Variants in WWC2 observed in about 807,000 individuals in gnomAD.
WWC2 encodes the protein protein WWC2.
Under a neutral mutation model 138.5 loss-of-function variants are expected in WWC2, and 101 were observed. The observed-to-expected ratio is 0.73, with a 90% confidence interval of 0.62 to 0.86. The LOEUF is 0.86. Among genes scored for constraint, WWC2 ranks in the 40% least tolerant of loss-of-function variants. The pLI is 0.00. For synonymous variants in WWC2, 558 were observed against 538.4 expected (o/e 1.04, Z -0.50); for missense variants, 1,420 against 1,419.4 (o/e 1.00, Z -0.01).
In WWC2 at chr4:183,320,012, G is replaced by T; in HGVS notation, c.*4283G>T. The T allele has an allele frequency of 6.2e-7, 1 of 1,613,900 alleles. No homozygotes were observed. Among genetic ancestry groups the T allele is most frequent in the Non-Finnish European group, 8.5e-7 (1 of 1,179,844 alleles). On this transcript the variant is annotated 3_prime_UTR_variant, in exon 23 of 23. Coordinates refer to ENST00000403733, the MANE Select transcript of WWC2 (RefSeq NM_024949.6). ...TGAGTTCAGCAGGCAAAGCCAGGAA[G>T]GAGTCAAAGTCCTTGCATTGCATCC...
At chr4:183,150,803 A>G (rs1420246511) in intron 1 of WWC2, among the ~76,000 whole-genome samples, 1 of 151,636 alleles carries the variant, frequency 6.6e-6, no homozygotes, top group African/African-American at 2.4e-5. Context: ...CCTTGCGAAA[A>G]CCAAACTAGT....
chr4:183,310,038 A>ATT (rs1739157126), intron 21 of WWC2, among the ~76,000 whole-genome samples: 3 of 152,170 alleles, frequency 2.0e-5, no homozygotes, highest in Non-Finnish European at 2.9e-5. Flanking sequence ...CAGTGAAGAG[A>ATT]TCAGTGGTTA....
intron 1 of WWC2, among the ~76,000 whole-genome samples, chr4:183,156,513 G>C (rs540674730): frequency 6.6e-6 from 1 of 152,054 alleles, no homozygotes; most frequent in Admixed American, 6.5e-5. Context: ...TGTATTTTTA[G>C]TAGAAACGGG....
intron 2 of WWC2, among the ~76,000 whole-genome samples, chr4:183,198,512 C>T (rs1488044831): frequency 4.0e-5 from 6 of 151,878 alleles, no homozygotes; most frequent in South Asian, 2.1e-4. Context: ...TATTTTACAT[C>T]GCAAATGGGA....
chr4:183,220,988 G>T (rs947942808), intron 4 of WWC2, among the ~76,000 whole-genome samples: 1 of 152,014 alleles, frequency 6.6e-6, no homozygotes, highest in Non-Finnish European at 1.5e-5. Flanking sequence ...TTAATAAATG[G>T]CCTAAATGCT....
In WWC2 at chr4:183,245,406, C is replaced by T; in HGVS notation, c.603-10C>T. ...TTTGATATTTTTTCTTTCTTTTTCTCTTTTCACAGAATTGATAAAAAAATG... is the reference window on the plus strand; with the variant it reads ...TTTGATATTTTTTCTTTCTTTTTCTTTTTTCACAGAATTGATAAAAAAATG... On this transcript the variant is annotated splice_polypyrimidine_tract_variant and intron_variant, in intron 5 of 22. Coordinates refer to ENST00000403733, the MANE Select transcript of WWC2 (RefSeq NM_024949.6). 2.6e-6 allele frequency: 4 copies of T among 1,523,706 alleles called. No individual in the cohort carries two copies. Among genetic ancestry groups the T allele is most frequent in the Non-Finnish European group, 3.5e-6 (4 of 1,143,250 alleles). The allele number at this position is 1,523,706 out of a possible 1,614,324, so 94.4% of individuals were successfully genotyped here.
intron 4 of WWC2, among the ~76,000 whole-genome samples, chr4:183,235,428 A>C (rs1320009683): frequency 1.3e-5 from 2 of 152,234 alleles, no homozygotes. Flanking sequence ...TATAAAAACA[A>C]TGTTGCACAG....
Position 183,149,576 on chromosome 4 carries a change from C to T in WWC2, c.132-44023C>T, listed in dbSNP as rs540746586. On this transcript the variant is annotated intron_variant, in intron 1 of 22. Coordinates refer to ENST00000403733, the MANE Select transcript of WWC2 (RefSeq NM_024949.6). ...GGCGGAGGTTGCGGTGAGCCAAGAT[C>T]GCGCCATTGCACTCCAGCCTGGGCA... 4.0e-5 allele frequency among the ~76,000 whole-genome samples: 6 copies of T among 150,498 alleles called. No homozygotes were observed. In the East Asian group the frequency reaches 7.9e-4, roughly 20 times the overall value.
chr4:183,302,446 A>G (rs1174805041), intron 21 of WWC2, among the ~76,000 whole-genome samples: 1 of 152,176 alleles, frequency 6.6e-6, no homozygotes, highest in Non-Finnish European at 1.5e-5. Flanking sequence ...TTGTGGGACT[A>G]TCCATCAGCT....
chr4:183,129,479 C>G (rs1012120939), intron 1 of WWC2, among the ~76,000 whole-genome samples: 6 of 152,158 alleles, frequency 3.9e-5, no homozygotes, highest in Non-Finnish European at 7.4e-5. Flanking sequence ...GATCAGACCT[C>G]ATTTATGGGA....
intron 1 of WWC2, among the ~76,000 whole-genome samples, chr4:183,113,271 T>G (rs778892008): frequency 1.3e-5 from 2 of 151,746 alleles, no homozygotes; most frequent in Non-Finnish European, 2.9e-5. Context: ...CAGATTGATG[T>G]AGAAACAGAG....
chr4:183,186,395 T>G (rs1225911268), intron 1 of WWC2, among the ~76,000 whole-genome samples: 1 of 152,076 alleles, frequency 6.6e-6, no homozygotes, highest in Non-Finnish European at 1.5e-5. Flanking sequence ...TAGGATTAAG[T>G]GTTAGATGGC....
rs1739465361 is a variant in WWC2 at position 183,317,069 on chromosome 4, C to T, written c.*1340C>T. The T allele has an allele frequency of 1.3e-5, 2 of 151,768 alleles. No individual in the cohort carries two copies. The highest frequency in any genetic ancestry group is 6.6e-5 in the Admixed American group (1 of 15,246). The allele number at this position is 151,768 out of a possible 1,614,324, so 9.4% of individuals were successfully genotyped here. A position where few individuals can be genotyped will look rare whatever the true frequency, so the allele number is the denominator to read the frequency against. On this transcript the variant is annotated 3_prime_UTR_variant, in exon 23 of 23. Transcript: ENST00000403733. Reference sequence around the variant, plus strand: ...GGCCATTTAAACCATACTTATTACTCAATAACCCAAGAAACAATTTTGGGT... The same window carrying T: ...GGCCATTTAAACCATACTTATTACTTAATAACCCAAGAAACAATTTTGGGT...
intron 12 of WWC2, among the ~76,000 whole-genome samples, chr4:183,265,382 G>A (rs760851428): frequency 9.2e-5 from 14 of 152,216 alleles, no homozygotes; most frequent in Non-Finnish European, 1.6e-4. Context: ...GAATTCACCA[G>A]ACCCTGTTTG....
chr4:183,252,365 G>T (rs1257757644), intron 8 of WWC2, among the ~76,000 whole-genome samples: 3 of 152,180 alleles, frequency 2.0e-5, no homozygotes, highest in Non-Finnish European at 4.4e-5. Context: ...ATGGTCGAAA[G>T]AACCATGTGC....
chr4:183,197,247 G>T (rs2111218759), intron 2 of WWC2, among the ~76,000 whole-genome samples: 1 of 152,266 alleles, frequency 6.6e-6, no homozygotes, highest in African/African-American at 2.4e-5. Context: ...GTATTCTGGT[G>T]ATCTGTTGTA....
At chr4:183,289,713 T>C in intron 21 of WWC2, 78 bp downstream of exon 21, 1 of 1,548,076 alleles carries the variant, frequency 6.5e-7, no homozygotes, top group Non-Finnish European at 8.7e-7. Context: ...GTACCCAACT[T>C]ACACTTCTGT....
chr4:183,109,141 G>C (rs1395275928), intron 1 of WWC2, among the ~76,000 whole-genome samples: 3 of 152,122 alleles, frequency 2.0e-5, no homozygotes, highest in Admixed American at 6.6e-5. Context: ...ATTCTGCTTT[G>C]TAGGCCTCAT....
At chr4:183,197,130 A>G (rs892831625) in intron 2 of WWC2, among the ~76,000 whole-genome samples, 95 of 152,364 alleles carry the variant, frequency 6.2e-4, no homozygotes, top group Middle Eastern at 3.4e-3. Flanking sequence ...GAATTAAAGT[A>G]CATTTCAAGT....
Sources: gnomAD v4.1 joint callset for allele counts (sites outside exome capture counted in the v4.1 genomes callset) on GRCh38, gnomAD v4.1.1 for gene constraint, MANE v1.5 for transcripts, NCBI Gene and HGNC (gene_info 2026-07-23, HGNC 2026-07-21) for gene names.